NAALADL2: variants seen among roughly 807,000 people sequenced by gnomAD.
NAALADL2 encodes N-acetylated alpha-linked acidic dipeptidase like 2, also known as inactive N-acetylated-alpha-linked acidic dipeptidase-like protein 2.
NAALADL2 carries 76 observed loss-of-function variants against 87.2 expected under a neutral mutation model. The observed-to-expected ratio is 0.87, with a 90% CI of 0.72 to 1.05. NAALADL2 has a LOEUF of 1.05. NAALADL2 is among the 50% of genes least tolerant of loss of function. The pLI is 0.00. For synonymous variants in NAALADL2, 354 were observed against 331.0 expected, an observed-to-expected ratio of 1.07 and a Z score of -0.75; for missense variants, 1,089 against 945.8, an observed-to-expected ratio of 1.15 and a Z score of -1.99.
intron 2 of NAALADL2, among the ~76,000 whole-genome samples, chr3:174,660,666 A>G (rs1291462497): frequency 6.6e-6 from 1 of 152,132 alleles, no homozygotes; most frequent in Non-Finnish European, 1.5e-5. Flanking sequence ...ATCATGATAA[A>G]TTTATCTTAA....
chr3:175,561,606 T>C (rs1716281436), intron 9 of NAALADL2, among the ~76,000 whole-genome samples: 1 of 152,182 alleles, frequency 6.6e-6, no homozygotes. Context: ...GTATACTGTA[T>C]GCAATATCTA....
rs1740862268 is a variant in NAALADL2, at chr3:175,713,827, C to T, written c.1897-23479C>T. On this transcript the variant is annotated intron_variant, in intron 11 of 13. Transcript: ENST00000454872. ...ACACGTGCCATGGTGGTTTGCTACA[C>T]CCATCAACCCATCATCTACATTAGG... is the stretch of plus-strand genomic sequence containing the variant. Among the ~76,000 whole-genome samples the T allele has an allele frequency of 2.6e-5, 4 of 152,006 alleles. No homozygotes were observed. The South Asian group carries it at 8.3e-4, about 32-fold the overall frequency.
At chr3:175,142,379 C>T (rs1017321503) in intron 2 of NAALADL2, among the ~76,000 whole-genome samples, 1 of 152,030 alleles carries the variant, frequency 6.6e-6, no homozygotes, top group Non-Finnish European at 1.5e-5. Context: ...ACTCCCCTGA[C>T]TTTAAACATT....
chr3:174,556,438 A>G (rs538658941), intron 2 of NAALADL2, among the ~76,000 whole-genome samples: 1 of 151,786 alleles, frequency 6.6e-6, no homozygotes, highest in Non-Finnish European at 1.5e-5. Flanking sequence ...TCAGAAAAAG[A>G]GGTAACTTTT....
chr3:174,597,524 G>A (rs949638814), intron 2 of NAALADL2, among the ~76,000 whole-genome samples: 4 of 152,118 alleles, frequency 2.6e-5, no homozygotes, highest in African/African-American at 9.7e-5. Context: ...GCAATCTCAG[G>A]CCTTTTATGT....
intron 2 of NAALADL2, among the ~76,000 whole-genome samples, chr3:175,125,008 G>A (rs1443576156): frequency 1.3e-5 from 2 of 151,840 alleles, no homozygotes; most frequent in Non-Finnish European, 2.9e-5. Context: ...AAATAATAGG[G>A]AGAAGTAGAT....
At chr3:174,463,917 T>A (rs1716367858) in intron 1 of NAALADL2, among the ~76,000 whole-genome samples, 2 of 152,076 alleles carry the variant, frequency 1.3e-5, no homozygotes, top group Admixed American at 1.3e-4. Flanking sequence ...TTTTTTCTAT[T>A]TTTCTTTTGT....
chr3:175,554,459 G>A (rs1488934989), intron 9 of NAALADL2, among the ~76,000 whole-genome samples: 7 of 151,892 alleles, frequency 4.6e-5, no homozygotes, highest in Non-Finnish European at 5.9e-5. Flanking sequence ...ATGTTTTGGG[G>A]TATTTAGGCT....
chr3:174,537,405 G>C (rs1721820837), intron 1 of NAALADL2, among the ~76,000 whole-genome samples: 2 of 152,124 alleles, frequency 1.3e-5, no homozygotes, highest in African/African-American at 4.8e-5. Context: ...TCATGGAATG[G>C]ACCAATTAAC....
At chr3:174,545,847 TA>T (rs1444250387) in intron 1 of NAALADL2, among the ~76,000 whole-genome samples, 1 of 151,296 alleles carries the variant, frequency 6.6e-6, no homozygotes, top group Non-Finnish European at 1.5e-5. Context: ...TATTTTTTCA[TA>T]ATTTTTAGGA....
intron 9 of NAALADL2, among the ~76,000 whole-genome samples, chr3:175,552,306 G>A (rs1714543190): frequency 6.6e-6 from 1 of 152,108 alleles, no homozygotes; most frequent in Non-Finnish European, 1.5e-5. Flanking sequence ...ACTAATAAAT[G>A]ATGTCTTCAT....
At chr3:175,701,799 C>T (rs1277269835) in intron 11 of NAALADL2, among the ~76,000 whole-genome samples, 1 of 152,164 alleles carries the variant, frequency 6.6e-6, no homozygotes, top group Non-Finnish European at 1.5e-5. Context: ...ATGTATTCAA[C>T]AGGATGGCAT....
At chr3:175,029,600 C>T (rs1164543421) in intron 1 of NAALADL2, among the ~76,000 whole-genome samples, 2 of 151,964 alleles carry the variant, frequency 1.3e-5, no homozygotes, top group African/African-American at 4.8e-5. Context: ...CGAAATTTGA[C>T]CAAATAACAC....
chr3:175,673,621 G>T (rs758034569), intron 11 of NAALADL2, among the ~76,000 whole-genome samples: 1 of 151,774 alleles, frequency 6.6e-6, no homozygotes, highest in Non-Finnish European at 1.5e-5. Flanking sequence ...GTATTCAGAA[G>T]ATTCAGAATT....
At chr3:175,060,615 C>T (rs1264490815) in intron 1 of NAALADL2, among the ~76,000 whole-genome samples, 2 of 152,104 alleles carry the variant, frequency 1.3e-5, no homozygotes, top group Non-Finnish European at 2.9e-5. Flanking sequence ...AAATATAACT[C>T]AAAATGATCT....
chr3:174,627,868 T>G (rs1342654714), intron 2 of NAALADL2, among the ~76,000 whole-genome samples: 1 of 152,170 alleles, frequency 6.6e-6, no homozygotes, highest in African/African-American at 2.4e-5. Flanking sequence ...TTCTCATTTA[T>G]AAGTGGGAGC....
upstream of NAALADL2, among the ~76,000 whole-genome samples, chr3:174,856,442 A>G (rs1725874921): frequency 6.6e-6 from 1 of 152,188 alleles, no homozygotes; most frequent in Non-Finnish European, 1.5e-5. Flanking sequence ...AAAATTGTGC[A>G]TCATTCTGAG....
intron 1 of NAALADL2, among the ~76,000 whole-genome samples, chr3:174,978,232 T>C (rs1744629636): frequency 6.6e-6 from 1 of 152,208 alleles, no homozygotes; most frequent in Non-Finnish European, 1.5e-5. Flanking sequence ...TTAGAAAACA[T>C]GGTGGAGTTG....
chr3:175,323,400 A>G (rs1760199644), intron 4 of NAALADL2, among the ~76,000 whole-genome samples: 2 of 149,998 alleles, frequency 1.3e-5, no homozygotes, highest in South Asian at 4.3e-4. Context: ...ATGACGAGTT[A>G]GTGGGTGCAG....
Sources: allele counts gnomAD v4.1 joint callset (sites outside exome capture counted in the v4.1 genomes callset), GRCh38; gene constraint gnomAD v4.1.1; transcripts MANE v1.5; gene names NCBI Gene and HGNC (gene_info 2026-07-23, HGNC 2026-07-21).